The following SPIRE1 variants were observed in gnomAD, a reference collection of about 807,000 sequenced individuals.
The protein encoded by SPIRE1 is protein spire homolog 1.
In SPIRE1, 40 loss-of-function variants were observed where a neutral mutation model predicts 94.1. The observed-to-expected ratio is 0.43, with a 90% CI of 0.33 to 0.55. SPIRE1 has a LOEUF of 0.55. SPIRE1 is among the 20% of genes least tolerant of loss of function. The pLI is 0.06. For missense variants in SPIRE1, 838 were observed against 975.2 expected, an observed-to-expected ratio of 0.86 and a Z score of 1.87; for synonymous variants, 376 against 371.7, an observed-to-expected ratio of 1.01 and a Z score of -0.13.
chr18:12,530,098 ATTAAT>A (rs2034642225), intron 4 of SPIRE1, among the ~76,000 whole-genome samples: 3 of 152,198 alleles, frequency 2.0e-5, no homozygotes, highest in South Asian at 2.1e-4. Flanking sequence ...CTCAATTTTG[ATTAAT>A]TTATCTACAG....
chr18:12,569,648 AC>A (rs1372044747), intron 2 of SPIRE1, among the ~76,000 whole-genome samples: 19 of 151,500 alleles, frequency 1.3e-4, no homozygotes, highest in African/African-American at 4.1e-4. Flanking sequence ...AAAAAAAAAA[AC>A]AAGAGAAAAG....
chr18:12,657,040 G>A (rs956505551), intron 1 of SPIRE1, among the ~76,000 whole-genome samples: 9 of 152,250 alleles, frequency 5.9e-5, no homozygotes, highest in Non-Finnish European at 1.2e-4. Context: ...AATACTGCTA[G>A]TTTCCCGTGA....
Position 12,637,454 on chromosome 18 carries a change from A to AGAAATCT in SPIRE1, c.338-2359_338-2358insAGATTTC, listed in dbSNP as rs2037965909. ...TACAAAGAAATCTATAAGTTTTTGT[A>AGAAATCT]GTACGTTTCTTGTTGGTAGTATAAA... On this transcript the variant is annotated intron_variant, in intron 1 of 16. Transcript: ENST00000409402. 2.0e-5 allele frequency among the ~76,000 whole-genome samples: 3 copies of AGAAATCT among 152,230 alleles called. No individual in the cohort carries two copies. The South Asian group carries it at 6.2e-4, about 32-fold the overall frequency.
intron 2 of SPIRE1, among the ~76,000 whole-genome samples, chr18:12,569,389 T>C (rs1196265746): frequency 6.6e-6 from 1 of 151,660 alleles, no homozygotes; most frequent in African/African-American, 2.4e-5. Flanking sequence ...TTGGCATTAT[T>C]ACACTGGCAT....
chr18:12,476,608 C>CAT lies in SPIRE1; in HGVS notation c.1404+3089_1404+3090dup, dbSNP rs1202552505. ...ATATATACACACACACACACACACA[C>CAT]ATATATACACACACATATATATACA... On this transcript the variant is annotated intron_variant, in intron 10 of 16. Transcript: ENST00000409402. Among the ~76,000 whole-genome samples the CAT allele has an allele frequency of 1.6e-3, 197 of 124,798 alleles. 2 individuals carry two copies. The highest frequency in any genetic ancestry group is 2.7e-3 in the Non-Finnish European group (157 of 58,896). 81.9% of individuals were successfully genotyped at this position (124,798 alleles called of 152,430 possible).
chr18:12,651,979 A>G (rs2038391671), intron 1 of SPIRE1, among the ~76,000 whole-genome samples: 1 of 152,184 alleles, frequency 6.6e-6, no homozygotes, highest in Non-Finnish European at 1.5e-5. Context: ...TATGGCCATA[A>G]TTTTTAAACG....
chr18:12,593,119 G>T (rs2036578369), intron 2 of SPIRE1, among the ~76,000 whole-genome samples: 1 of 152,134 alleles, frequency 6.6e-6, no homozygotes, highest in African/African-American at 2.4e-5. Flanking sequence ...GTTTTAAATT[G>T]GTTTAAACTA....
At chr18:12,607,874 C>T (rs1397220426) in intron 2 of SPIRE1, among the ~76,000 whole-genome samples, 2 of 152,004 alleles carry the variant, frequency 1.3e-5, no homozygotes, top group Admixed American at 6.6e-5. Context: ...ATCTCACCTA[C>T]GGCCGGGCGT....
At chr18:12,615,345 A>AAAAAAAATAAAAAAAAAT in intron 2 of SPIRE1, among the ~76,000 whole-genome samples, 52 of 17,244 alleles carry the variant, frequency 3.0e-3, no homozygotes, top group Non-Finnish European at 7.2e-3. Context: ...AAAAAAAAAA[A>AAAAAAAATAAAAAAAAAT]ATATATATAT....
chr18:12,648,890 C>A (rs1415756803), intron 1 of SPIRE1, among the ~76,000 whole-genome samples: 55 of 85,476 alleles, frequency 6.4e-4, no homozygotes, highest in African/African-American at 1.2e-3. Context: ...AACTCCGTCT[C>A]AAAAAAAAAA....
intron 8 of SPIRE1, among the ~76,000 whole-genome samples, chr18:12,492,653 T>C (rs1598928347): frequency 6.6e-6 from 1 of 152,296 alleles, no homozygotes; most frequent in East Asian, 1.9e-4. Context: ...TATAAAGTAT[T>C]TTTTTACCAT....
intron 4 of SPIRE1, among the ~76,000 whole-genome samples, chr18:12,528,043 C>G (rs1338851666): frequency 7.6e-6 from 1 of 132,018 alleles, no homozygotes. Flanking sequence ...GGTGACAGAG[C>G]AAGACTCTAT....
At chr18:12,594,972 C>T (rs1371414945) in intron 2 of SPIRE1, among the ~76,000 whole-genome samples, 1 of 152,116 alleles carries the variant, frequency 6.6e-6, no homozygotes, top group Non-Finnish European at 1.5e-5. Context: ...ATTTTCTTTA[C>T]TCTAGCTTAC....
intron 2 of SPIRE1, among the ~76,000 whole-genome samples, chr18:12,577,574 C>T (rs965205839): frequency 6.6e-6 from 1 of 152,174 alleles, no homozygotes; most frequent in South Asian, 2.1e-4. Flanking sequence ...ATGTTATCTA[C>T]ATAGTCATTG....
At chr18:12,660,011 AAGGTCTACTTTT>A (rs1388351649), upstream of SPIRE1, among the ~76,000 whole-genome samples, 3 of 152,334 alleles carry the variant, frequency 2.0e-5, no homozygotes, top group East Asian at 5.8e-4. Context: ...AAAAAAAATG[AAGGTCTACTTTT>A]ATGGACAACA....
chr18:12,528,172 C>T (rs772248127), intron 4 of SPIRE1, among the ~76,000 whole-genome samples: 2 of 152,032 alleles, frequency 1.3e-5, no homozygotes, highest in Non-Finnish European at 2.9e-5. Context: ...GAGGAGGCAG[C>T]AAAGGAGACA....
chr18:12,584,031 T>C (rs945016550), intron 2 of SPIRE1, among the ~76,000 whole-genome samples: 2 of 152,128 alleles, frequency 1.3e-5, no homozygotes, highest in African/African-American at 4.8e-5. Context: ...GATAATAACA[T>C]ACTGTTCATT....
At chr18:12,562,030 T>C (rs1255770423) in intron 2 of SPIRE1, among the ~76,000 whole-genome samples, 2 of 152,192 alleles carry the variant, frequency 1.3e-5, no homozygotes, top group Non-Finnish European at 2.9e-5. Flanking sequence ...GTTAATGAGA[T>C]TGACAATAAC....
intron 1 of SPIRE1, among the ~76,000 whole-genome samples, chr18:12,654,641 C>T (rs981978347): frequency 2.6e-5 from 4 of 151,270 alleles, no homozygotes; most frequent in Non-Finnish European, 5.9e-5. Flanking sequence ...GGCGACTGAG[C>T]GAGACTCCGT....
Sources: gnomAD v4.1 joint callset for allele counts (sites outside exome capture counted in the v4.1 genomes callset) on GRCh38, gnomAD v4.1.1 for gene constraint, MANE v1.5 for transcripts, NCBI Gene and HGNC (gene_info 2026-07-23, HGNC 2026-07-21) for gene names.